MPPED2: variants seen among roughly 807,000 people sequenced by gnomAD.
The protein encoded by MPPED2 is metallophosphoesterase domain containing 2, also known as metallophosphoesterase MPPED2.
MPPED2 carries 5 observed loss-of-function variants against 33.0 expected under a neutral mutation model. The ratio of observed to expected loss-of-function variants is 0.15; its 90% CI spans 0.08 to 0.32. The LOEUF is 0.32. Ranked by LOEUF, MPPED2 falls within the 10% of genes least tolerant of loss-of-function variation. MPPED2 has a pLI of 1.00. For missense variants in MPPED2, 275 were observed against 372.1 expected (o/e 0.74, Z 2.15); for synonymous variants, 136 against 141.9 (o/e 0.96, Z 0.29).
intron 3 of MPPED2, among the ~76,000 whole-genome samples, chr11:30,531,391 C>A (rs1024037923): frequency 5.3e-5 from 8 of 152,160 alleles, no homozygotes; most frequent in African/African-American, 1.9e-4. Context: ...AGATGGAAAA[C>A]AGGGGCTCTG....
chr11:30,434,612 C>T (rs1302070130), intron 4 of MPPED2, among the ~76,000 whole-genome samples: 1 of 152,166 alleles, frequency 6.6e-6, no homozygotes, highest in Non-Finnish European at 1.5e-5. Flanking sequence ...CATTTAAAAG[C>T]TCTTCCTAGT....
At chr11:30,415,099 A>G (rs1948284865) in intron 5 of MPPED2, among the ~76,000 whole-genome samples, 1 of 152,248 alleles carries the variant, frequency 6.6e-6, no homozygotes, top group Admixed American at 6.5e-5. Context: ...AGGTAGGATG[A>G]AAGGCTAAAT....
At chr11:30,483,642 C>T (rs937228645) in intron 4 of MPPED2, among the ~76,000 whole-genome samples, 8 of 152,130 alleles carry the variant, frequency 5.3e-5, no homozygotes, top group Admixed American at 5.2e-4. Flanking sequence ...TGATGACTGA[C>T]TCAATAAGAG....
chr11:30,463,935 T>G (rs1451716728), intron 4 of MPPED2, among the ~76,000 whole-genome samples: 1 of 151,588 alleles, frequency 6.6e-6, no homozygotes, highest in Admixed American at 6.6e-5. Flanking sequence ...TTAGAAAATA[T>G]AGGTCAGGGA....
chr11:30,496,708 G>C (rs1462544973), intron 3 of MPPED2, among the ~76,000 whole-genome samples: 1 of 131,346 alleles, frequency 7.6e-6, no homozygotes. Context: ...GAATTTTGTG[G>C]GCGGGGGGTG....
chr11:30,407,495 G>A (rs994674856), downstream of MPPED2, among the ~76,000 whole-genome samples: 1 of 152,202 alleles, frequency 6.6e-6, no homozygotes, highest in African/African-American at 2.4e-5. Flanking sequence ...AGAGAGGCTT[G>A]TTACGGTTCC....
chr11:30,523,688 C>T (rs553328638), intron 3 of MPPED2, among the ~76,000 whole-genome samples: 7 of 136,834 alleles, frequency 5.1e-5, no homozygotes, highest in Admixed American at 1.6e-4. Flanking sequence ...AGTGCAGTGG[C>T]GTGATCTCAG....
chr11:30,464,414 C>G (rs913238134), intron 4 of MPPED2, among the ~76,000 whole-genome samples: 1 of 152,134 alleles, frequency 6.6e-6, no homozygotes, highest in African/African-American at 2.4e-5. Context: ...ATTGATAACA[C>G]TACATTGAAA....
At chr11:30,503,075 G>A (rs987539148) in intron 3 of MPPED2, among the ~76,000 whole-genome samples, 33 of 152,136 alleles carry the variant, frequency 2.2e-4, no homozygotes, top group Non-Finnish European at 7.3e-5. Flanking sequence ...ATCCCCACGT[G>A]TTGTGGGAAG....
chr11:30,528,384 T>C (rs1954323553), intron 3 of MPPED2, among the ~76,000 whole-genome samples: 1 of 152,156 alleles, frequency 6.6e-6, no homozygotes, highest in South Asian at 2.1e-4. Context: ...GTCTTTTGAG[T>C]AGCTGGAGCT....
intron 4 of MPPED2, among the ~76,000 whole-genome samples, chr11:30,419,101 A>G (rs1948501560): frequency 6.6e-6 from 1 of 152,178 alleles, no homozygotes; most frequent in South Asian, 2.1e-4. Context: ...TAAGAATATG[A>G]GGAGAATAAT....
chr11:30,584,793 G>C (rs998448608), intron 1 of MPPED2: 2 of 152,372 alleles, frequency 1.3e-5, no homozygotes, highest in African/African-American at 2.4e-5. Context: ...TCCCTGGAAC[G>C]GCGGAGAAAG....
At chr11:30,515,565 C>G (rs1357820127) in intron 3 of MPPED2, among the ~76,000 whole-genome samples, 1 of 152,142 alleles carries the variant, frequency 6.6e-6, no homozygotes, top group African/African-American at 2.4e-5. Context: ...CTCTCCTGAT[C>G]TCTGAATTCC....
In MPPED2 at chr11:30,559,343, T is replaced by C. The variant is rs114399671; in HGVS notation, c.128+20903A>G. 3.6e-3 allele frequency among the ~76,000 whole-genome samples: 551 copies of C among 152,342 alleles called. 1 individual carries two copies. Among genetic ancestry groups the C allele is most frequent in the African/African-American group, 0.011 (443 of 41,582 alleles). ...TTATTAATAAAAATGTATTGTAAATTGCAATCATATTTAAATTCTTATGAC... is the reference window on the plus strand; with the variant it reads ...TTATTAATAAAAATGTATTGTAAATCGCAATCATATTTAAATTCTTATGAC... On this transcript the variant is annotated intron_variant, in intron 2 of 6. Transcript: ENST00000358117.
intron 2 of MPPED2, among the ~76,000 whole-genome samples, chr11:30,547,288 G>A (rs1284064653): frequency 6.6e-6 from 1 of 152,248 alleles, no homozygotes; most frequent in Non-Finnish European, 1.5e-5. Flanking sequence ...GTTCACTCCT[G>A]ATTTAGTCAC....
At chr11:30,539,685 A>G (rs1954997604) in intron 2 of MPPED2, among the ~76,000 whole-genome samples, 1 of 152,134 alleles carries the variant, frequency 6.6e-6, no homozygotes, top group Non-Finnish European at 1.5e-5. Context: ...CAGTGGTACA[A>G]TCATAGCCTA....
At chr11:30,462,615 A>G (rs1950552773) in intron 4 of MPPED2, among the ~76,000 whole-genome samples, 1 of 152,204 alleles carries the variant, frequency 6.6e-6, no homozygotes, top group East Asian at 1.9e-4. Context: ...TCTGGCCAGC[A>G]ATCTATTTTC....
At chr11:30,396,602 C>T (rs569751045) in intron 6 of MPPED2, among the ~76,000 whole-genome samples, 1 of 152,258 alleles carries the variant, frequency 6.6e-6, no homozygotes, top group African/African-American at 2.4e-5. Flanking sequence ...CTCATAGTCA[C>T]ACCTTCCTAC....
At chr11:30,446,811 C>A (rs533495679) in intron 4 of MPPED2, among the ~76,000 whole-genome samples, 5 of 152,150 alleles carry the variant, frequency 3.3e-5, no homozygotes, top group South Asian at 2.1e-4. Flanking sequence ...GGAGCCCCCC[C>A]CGACGCCAAG....
Sources: allele counts gnomAD v4.1 joint callset (sites outside exome capture counted in the v4.1 genomes callset), GRCh38; gene constraint gnomAD v4.1.1; transcripts MANE v1.5; gene names NCBI Gene and HGNC (gene_info 2026-07-23, HGNC 2026-07-21).